The following CNOT3 variants were observed in gnomAD, a reference collection of about 807,000 sequenced individuals.
CNOT3 encodes the protein CCR4-NOT transcription complex subunit 3, also known as CCR4-associated factor 3.
A neutral mutation model predicts 89.4 loss-of-function variants in CNOT3; 2 were observed. That is an observed-to-expected ratio of 0.02 (90% CI 0.01 to 0.07). CNOT3 has a LOEUF of 0.07. Ranked by LOEUF, CNOT3 falls within the 10% of genes least tolerant of loss-of-function variation. The pLI is 1.00. For missense variants in CNOT3, 664 were observed against 1,010.2 expected, an observed-to-expected ratio of 0.66 and a Z score of 4.65; for synonymous variants, 486 against 402.0, an observed-to-expected ratio of 1.21 and a Z score of -2.50.
chr19:54,154,175 ACC>A, intron 17 of CNOT3: 1 of 507,064 alleles, frequency 2.0e-6, no homozygotes, highest in Non-Finnish European at 3.8e-6. Context: ...GTGTCCCTGC[ACC>A]AGGCTGTGGG....
Position 54,152,607 on chromosome 19 carries a change from T to G in CNOT3, c.1885T>G (p.Ser629Ala). 6.2e-7 allele frequency: 1 copy of G among 1,612,982 alleles called. No homozygotes were observed. The highest frequency in any genetic ancestry group is 8.5e-7 in the Non-Finnish European group (1 of 1,179,520). The change falls in exon 15 of 18, where the codon TCT (serine) becomes GCT (alanine). Residue 629 changes from serine to alanine, a missense_variant. This residue lies in a region of CNOT3 where 545 missense variants were observed against 566.2 expected (regional missense o/e 0.96). Coordinates refer to ENST00000221232, the MANE Select transcript of CNOT3 (RefSeq NM_014516.4). ...EAAWHHMPHP[S>A]DSERIRQYLP... ...CGCCTGGCACCACATGCCTCACCCC[T>G]CTGACTCTGAGCGTATTCGGTGAGG...
chr19:54,149,884 C>T, intron 13 of CNOT3, 126 bp downstream of exon 13: 5 of 977,920 alleles, frequency 5.1e-6, no homozygotes, highest in Non-Finnish European at 7.3e-6. Context: ...CTGTCCCCTT[C>T]TCACACTTGC....
At position 54,144,077 on chromosome 19, in the gene CNOT3, G is replaced by A. The variant is rs1351668307; in HGVS notation, c.330G>A (p.Leu110=). The A allele has an allele frequency of 1.2e-6, 2 of 1,603,654 alleles. No individual in the cohort carries two copies. The highest frequency in any genetic ancestry group is 1.1e-5 in the South Asian group (1 of 89,638). Residue 110 remains leucine, a synonymous_variant, in exon 6 of 18, where the codon CTG becomes CTA. Transcript: ENST00000221232. The surrounding 1 kb of genome is among the most constrained non-coding windows in gnomAD (Gnocchi z 4.8). The part of the protein sequence containing the change: ...TKAYSKEGLG[L]AQKVDPAQKE... ...CTTACAGCAAAGAGGGCCTGGGCCT[G>A]GCCCAGAAGGTAGATCCTGCCCAGA...
chr19:54,150,054 TC>T (rs1342187905), intron 13 of CNOT3, among the ~76,000 whole-genome samples: 3 of 151,792 alleles, frequency 2.0e-5, no homozygotes, highest in East Asian at 1.9e-4. Flanking sequence ...TCCATCTTCA[TC>T]CCCCCCGCAG....
chr19:54,155,218 G>C, intron 17 of CNOT3, 91 bp from the exon 18 acceptor site: 1 of 1,534,540 alleles, frequency 6.5e-7, no homozygotes, highest in Non-Finnish European at 8.8e-7. Context: ...CACATCCACA[G>C]CCCTAAGAAT....
intron 1 of CNOT3, among the ~76,000 whole-genome samples, chr19:54,141,014 A>G (rs1286623417): frequency 6.6e-6 from 1 of 152,168 alleles, no homozygotes; most frequent in Non-Finnish European, 1.5e-5. Context: ...GGATGGAAAG[A>G]GGGAGTGTAA....
chr19:54,155,550 GTTTT>G lies in CNOT3; in HGVS notation c.*144_*147del. On this transcript the variant is annotated 3_prime_UTR_variant, in exon 18 of 18. Transcript: ENST00000221232. ...CAGGAAGCAGGGAGGGGGCCGGGAG[GTTTT>G]CCTCTCAGCCCCACCCTGGGGGCCC... 1.1e-6 allele frequency: 1 copy of G among 929,058 alleles called. No individual in the cohort carries two copies. Among genetic ancestry groups the G allele is most frequent in the Non-Finnish European group, 1.6e-6 (1 of 627,356 alleles). The allele number at this position is 929,058 out of a possible 1,614,324, so 57.6% of individuals were successfully genotyped here. A position where few individuals can be genotyped will look rare whatever the true frequency, so the allele number is the denominator to read the frequency against.
At chr19:54,150,269 G>C (rs1324699141) in intron 13 of CNOT3, among the ~76,000 whole-genome samples, 1 of 152,022 alleles carries the variant, frequency 6.6e-6, no homozygotes, top group African/African-American at 2.4e-5. Context: ...AGGTCTGAGA[G>C]GGGGTGATGT....
intron 14 of CNOT3, 27 bp from the exon 15 acceptor site, chr19:54,152,401 G>T (rs2075170126): frequency 5.6e-6 from 9 of 1,613,748 alleles, no homozygotes; most frequent in Non-Finnish European, 7.6e-6. Context: ...CACCACTGAG[G>T]GGGCCGGACC....
chr19:54,152,571 A>G lies in CNOT3; in HGVS notation c.1849A>G (p.Met617Val), dbSNP rs1431562330. Residue 617 changes from methionine to valine, a missense_variant, in exon 15 of 18, where the codon ATG becomes GTG. Around this residue, in one of 8 missense-constraint regions of CNOT3, gnomAD observed 545 missense variants for 566.2 expected, o/e 0.96. Transcript: ENST00000221232. ...CAAGGAGCAGCTCTATCAGCAGGCC[A>G]TGGAAGAGGCCGCCTGGCACCACAT... ...LTKEQLYQQAMEEAAWHHMPH... is the reference protein window; with the variant it reads ...LTKEQLYQQAVEEAAWHHMPH... 2 of 1,614,112 alleles carry G rather than the reference A, an allele frequency of 1.2e-6. No individual in the cohort carries two copies. The highest frequency in any genetic ancestry group is 1.3e-5 in the African/African-American group (1 of 75,056).
Position 54,145,173 on chromosome 19 carries a change from C to T in CNOT3, c.484-425C>T, listed in dbSNP as rs746738127. On this transcript the variant is annotated intron_variant, in intron 7 of 17. Transcript: ENST00000221232. This position sits in a 1 kb window ranked among gnomAD's most constrained non-coding sequence, Gnocchi z 5.9. The stretch of plus-strand genomic sequence containing the variant: ...ATATCACAATTCTAAACAGCAAGCT[C>T]CTCACAAATGGGGGTTATCATTGTT... Among the ~76,000 whole-genome samples, 6 of 152,084 alleles carry T rather than the reference C, an allele frequency of 3.9e-5. No individual in the cohort carries two copies. Among genetic ancestry groups the T allele is most frequent in the Non-Finnish European group, 4.4e-5 (3 of 68,010 alleles).
At chr19:54,146,697 CCT>C in intron 10 of CNOT3, 40 bp downstream of exon 10, 1 of 1,136,126 alleles carries the variant, frequency 8.8e-7, no homozygotes, top group Non-Finnish European at 1.3e-6. Flanking sequence ...GCCATTCACT[CCT>C]CTGTTGCTTC....
chr19:54,147,261 G>T (rs1409024959), intron 10 of CNOT3, among the ~76,000 whole-genome samples: 7 of 152,280 alleles, frequency 4.6e-5, no homozygotes, highest in African/African-American at 1.7e-4. Flanking sequence ...ACAATGTTAG[G>T]CAGGAGCAGC....
Position 54,148,767 on chromosome 19 carries a change from G to A in CNOT3, c.1406+24G>A. 1 of 1,604,498 alleles carries A rather than the reference G, an allele frequency of 6.2e-7. No individual in the cohort carries two copies. The highest frequency in any genetic ancestry group is 8.5e-7 in the Non-Finnish European group (1 of 1,175,478). The stretch of plus-strand genomic sequence containing the variant: ...TCGTGAGTGTCTCGGCCATCGGCAG[G>A]GTTGGGATGGCAGCCTTTTGAAACA... On this transcript the variant is annotated intron_variant, in intron 12 of 17. Coordinates refer to ENST00000221232, the MANE Select transcript of CNOT3 (RefSeq NM_014516.4). The surrounding 1 kb of genome is among the most constrained non-coding windows in gnomAD (Gnocchi z 6.3).
In CNOT3 at chr19:54,144,314, G is replaced by C; in HGVS notation, c.465G>C (p.Lys155Asn). The change falls in exon 7 of 18, where the codon AAG becomes AAC. Residue 155 changes from lysine to asparagine, a missense_variant. Transcript: ENST00000221232. This position sits in a 1 kb window ranked among gnomAD's most constrained non-coding sequence, Gnocchi z 4.8. ...AGTCACTGTCAGTGCAGACACGCAA[G>C]AAGAAGGGCGACAAGGATGTGAGTG... ...EVESLSVQTRKKKGDKDKQDR... is the reference protein window; with the variant it reads ...EVESLSVQTRNKKGDKDKQDR... The C allele has an allele frequency of 6.2e-7, 1 of 1,613,856 alleles. No individual in the cohort carries two copies. The highest frequency in any genetic ancestry group is 8.5e-7 in the Non-Finnish European group (1 of 1,179,754).
intron 17 of CNOT3, chr19:54,155,036 G>A (rs1057395925): frequency 3.8e-6 from 2 of 529,506 alleles, no homozygotes; most frequent in Non-Finnish European, 6.7e-6. Context: ...CGAAGGCTGT[G>A]CACTCACACC....
At chr19:54,141,823 C>G (rs1301692634) in intron 1 of CNOT3, 1 of 152,176 alleles carries the variant, frequency 6.6e-6, no homozygotes, top group Non-Finnish European at 1.5e-5. Flanking sequence ...GGCCCCCTCC[C>G]TGGAGGGGAA....
At chr19:54,142,580 T>C in intron 1 of CNOT3, 1 of 340,490 alleles carries the variant, frequency 2.9e-6, no homozygotes, top group African/African-American at 2.1e-5. Flanking sequence ...TCCATCCCAG[T>C]CATCAGCTGT....
Position 54,145,753 on chromosome 19 carries a change from A to C in CNOT3, c.639A>C (p.Ser213=). The C allele has an allele frequency of 6.2e-7, 1 of 1,613,956 alleles. No homozygotes were observed. The highest frequency in any genetic ancestry group is 2.2e-5 in the East Asian group (1 of 44,886). ...IKDDVEYYVD[S]SQDPDFEENE... is the part of the protein sequence containing the mutation. ...ACGACGTTGAGTACTATGTTGACTC[A>C]TCCCAGGACCCCGACTTCGAGGAGA... is the stretch of plus-strand genomic sequence containing the variant. Residue 213 remains serine (S), a synonymous_variant, in exon 8 of 18, where the codon TCA becomes TCC. Coordinates refer to ENST00000221232, the MANE Select transcript of CNOT3 (RefSeq NM_014516.4). This position sits in a 1 kb window ranked among gnomAD's most constrained non-coding sequence, Gnocchi z 5.9.
Sources: gnomAD v4.1 joint callset for allele counts (sites outside exome capture counted in the v4.1 genomes callset) on GRCh38, gnomAD v4.1.1 for gene constraint, gnomAD v4.1.1 regional missense constraint, Gnocchi (gnomAD v3.1) non-coding constraint, MANE v1.5 for transcripts, NCBI Gene and HGNC (gene_info 2026-07-23, HGNC 2026-07-21) for gene names.